CLYBL: variants seen among roughly 807,000 people sequenced by gnomAD.
CLYBL encodes the protein citramalyl-CoA lyase, mitochondrial.
CLYBL carries 31 observed loss-of-function variants against 38.9 expected under a neutral mutation model. The observed-to-expected ratio is 0.80, with a 90% CI of 0.60 to 1.08. The LOEUF is 1.08. Ranked by LOEUF, CLYBL falls within the 50% of genes least tolerant of loss-of-function variation. CLYBL has a pLI of 0.00. For missense variants in CLYBL, 434 were observed against 411.6 expected (o/e 1.05, Z -0.47); for synonymous variants, 171 against 158.6 (o/e 1.08, Z -0.59).
At chr13:99,885,558 G>A (rs868779634) in intron 7 of CLYBL, among the ~76,000 whole-genome samples, 10 of 152,162 alleles carry the variant, frequency 6.6e-5, no homozygotes, top group Non-Finnish European at 1.2e-4. Context: ...ATAACAGCAC[G>A]CTCCCAACTA....
intron 1 of CLYBL, among the ~76,000 whole-genome samples, chr13:99,638,095 C>T (rs1369557297): frequency 6.6e-6 from 1 of 150,774 alleles, no homozygotes; most frequent in Non-Finnish European, 1.5e-5. Context: ...TCCTGAGTAG[C>T]TAAGACCACC....
At chr13:99,743,582 G>A (rs2048794207) in intron 1 of CLYBL, among the ~76,000 whole-genome samples, 1 of 152,192 alleles carries the variant, frequency 6.6e-6, no homozygotes, top group Admixed American at 6.5e-5. Context: ...TTATTAGCAT[G>A]TGTGATAAAA....
intron 1 of CLYBL, among the ~76,000 whole-genome samples, chr13:99,638,365 T>A (rs1321290678): frequency 6.6e-6 from 1 of 152,260 alleles, no homozygotes; most frequent in African/African-American, 2.4e-5. Flanking sequence ...TTCTCTTTTC[T>A]TACTCCAAAT....
intron 2 of CLYBL, among the ~76,000 whole-genome samples, chr13:99,797,327 T>C (rs1368234544): frequency 6.6e-6 from 1 of 152,212 alleles, no homozygotes; most frequent in East Asian, 1.9e-4. Context: ...TCTTATAGTA[T>C]CTCAGGAAGA....
rs2051139348 is a variant in CLYBL, at chr13:99,843,848, C to T, written c.250-15013C>T. Among the ~76,000 whole-genome samples the T allele has an allele frequency of 2.0e-5, 3 of 152,304 alleles. No homozygotes were observed. In the South Asian group the frequency reaches 6.2e-4, roughly 32 times the overall value. Reference sequence around the variant, plus strand: ...AACTCCTGACCTCAGGTGATCTGCCCACCTCGGCCTCCCAAAGTGCTGAGA... The same window carrying T: ...AACTCCTGACCTCAGGTGATCTGCCTACCTCGGCCTCCCAAAGTGCTGAGA... On this transcript the variant is annotated intron_variant, in intron 2 of 8. Coordinates refer to ENST00000339105, the MANE Select transcript of CLYBL (RefSeq NM_206808.5).
intron 1 of CLYBL, among the ~76,000 whole-genome samples, chr13:99,720,184 T>A (rs902261308): frequency 6.6e-6 from 1 of 152,140 alleles, no homozygotes; most frequent in Non-Finnish European, 1.5e-5. Context: ...TTATACATTC[T>A]ATTTTTTCTT....
intron 1 of CLYBL, among the ~76,000 whole-genome samples, chr13:99,637,339 G>A (rs922937893): frequency 6.6e-6 from 1 of 152,216 alleles, no homozygotes; most frequent in Admixed American, 6.5e-5. Flanking sequence ...ATCTCTGGAG[G>A]TGTATCAATC....
chr13:99,681,838 G>A (rs562138474), intron 1 of CLYBL, among the ~76,000 whole-genome samples: 22 of 152,118 alleles, frequency 1.4e-4, no homozygotes, highest in Non-Finnish European at 2.4e-4. Context: ...CACCTGTCTC[G>A]GCCCCCCACA....
intron 1 of CLYBL, among the ~76,000 whole-genome samples, chr13:99,664,625 G>A (rs1310560391): frequency 6.6e-6 from 1 of 152,198 alleles, no homozygotes; most frequent in Non-Finnish European, 1.5e-5. Context: ...TTTTGTAGGT[G>A]AAGAAACAAT....
Position 99,750,412 on chromosome 13 carries a change from G to A in CLYBL, c.63-22412G>A, listed in dbSNP as rs117295660. 4.2e-4 allele frequency among the ~76,000 whole-genome samples: 64 copies of A among 152,184 alleles called. No homozygotes were observed. The East Asian group carries it at 0.01, about 25-fold the overall frequency. On this transcript the variant is annotated intron_variant, in intron 1 of 8. Coordinates refer to ENST00000339105, the MANE Select transcript of CLYBL (RefSeq NM_206808.5). ...TAGAAATTTACTGATGGCCAGGCGC[G>A]GTGGCTCATGCCTGTAATCCCAACC...
intron 2 of CLYBL, among the ~76,000 whole-genome samples, chr13:99,781,142 T>A (rs539775795): frequency 8.7e-5 from 13 of 149,888 alleles, no homozygotes; most frequent in African/African-American, 2.7e-4. Flanking sequence ...ATATATATAT[T>A]TTTAAATTTT....
chr13:99,689,990 C>T (rs2047875841), intron 1 of CLYBL: 1 of 152,198 alleles, frequency 6.6e-6, no homozygotes, highest in South Asian at 2.1e-4. Flanking sequence ...AGGTTACATC[C>T]TCTGAGCAGT....
intron 1 of CLYBL, among the ~76,000 whole-genome samples, chr13:99,726,036 CTAATA>C (rs2048467280): frequency 6.6e-6 from 1 of 151,976 alleles, no homozygotes; most frequent in Non-Finnish European, 1.5e-5. Context: ...ATGTATACAT[CTAATA>C]TGTTTATGTA....
At chr13:99,683,716 CAT>C (rs920325669) in intron 1 of CLYBL, among the ~76,000 whole-genome samples, 3 of 150,378 alleles carry the variant, frequency 2.0e-5, no homozygotes, top group African/African-American at 4.9e-5. Flanking sequence ...CAAGGACCCA[CAT>C]GAGTCTATTT....
intron 2 of CLYBL, among the ~76,000 whole-genome samples, chr13:99,800,955 C>A (rs557497927): frequency 6.6e-6 from 1 of 151,358 alleles, no homozygotes; most frequent in Non-Finnish European, 1.5e-5. Flanking sequence ...CTTCAGAAGA[C>A]CCTAACTGAT....
chr13:99,858,622 A>T (rs540669019), intron 2 of CLYBL, among the ~76,000 whole-genome samples: 1 of 152,214 alleles, frequency 6.6e-6, no homozygotes, highest in Non-Finnish European at 1.5e-5. Context: ...AAGCACACCC[A>T]TGTGCACTGC....
intron 1 of CLYBL, among the ~76,000 whole-genome samples, chr13:99,662,651 T>C (rs751121140): frequency 6.6e-6 from 1 of 152,048 alleles, no homozygotes; most frequent in Non-Finnish European, 1.5e-5. Context: ...ATTTATGGGA[T>C]AGCCTGACAA....
At chr13:99,866,591 T>A (rs1216780993) in intron 6 of CLYBL, among the ~76,000 whole-genome samples, 184 bp downstream of exon 6, 2 of 151,740 alleles carry the variant, frequency 1.3e-5, no homozygotes, top group Non-Finnish European at 2.9e-5. Context: ...TCCTTGGCCC[T>A]GCAAGTCAAC....
intron 2 of CLYBL, among the ~76,000 whole-genome samples, chr13:99,853,248 G>A (rs1334971063): frequency 6.6e-6 from 1 of 151,846 alleles, no homozygotes; most frequent in Non-Finnish European, 1.5e-5. Context: ...TCTCTGAAGG[G>A]CAGAAATACC....
Sources: allele counts gnomAD v4.1 joint callset (sites outside exome capture counted in the v4.1 genomes callset), GRCh38; gene constraint gnomAD v4.1.1; transcripts MANE v1.5; gene names NCBI Gene and HGNC (gene_info 2026-07-23, HGNC 2026-07-21).